The following ALK variants were observed in gnomAD, a reference collection of about 807,000 sequenced individuals.
ALK encodes the protein ALK receptor tyrosine kinase, also known as ALK tyrosine kinase receptor.
A neutral mutation model predicts 163.1 loss-of-function variants in ALK; 74 were observed. The observed-to-expected ratio is 0.45, with a 90% CI of 0.38 to 0.55. ALK has a LOEUF of 0.55. Among genes scored for constraint, ALK ranks in the 20% least tolerant of loss-of-function variants. ALK has a pLI of 0.00. For missense variants in ALK, 2,063 were observed against 2,105.3 expected (o/e 0.98, Z 0.39); for synonymous variants, 960 against 843.2 (o/e 1.14, Z -2.40).
intron 7 of ALK, among the ~76,000 whole-genome samples, chr2:29,320,194 C>T (rs1248339192): frequency 6.6e-6 from 1 of 152,246 alleles, no homozygotes; most frequent in African/African-American, 2.4e-5. Context: ...CTCTGCCAGA[C>T]ACGCAGGGTT....
intron 4 of ALK, among the ~76,000 whole-genome samples, chr2:29,415,029 C>G (rs115958966): frequency 6.6e-6 from 1 of 151,552 alleles, no homozygotes; most frequent in Non-Finnish European, 1.5e-5. Flanking sequence ...TGTGCACACA[C>G]ATGCACAGAT....
chr2:29,387,575 T>C (rs571873510), intron 4 of ALK, among the ~76,000 whole-genome samples: 4 of 152,302 alleles, frequency 2.6e-5, no homozygotes, highest in African/African-American at 9.6e-5. Context: ...GGTTTTAGTT[T>C]CCTCATTAGC....
chr2:29,583,672 G>A (rs1312520969), intron 3 of ALK, among the ~76,000 whole-genome samples: 1 of 152,108 alleles, frequency 6.6e-6, no homozygotes, highest in Non-Finnish European at 1.5e-5. Context: ...CCCTGTACCA[G>A]TGACCTCTCT....
At chr2:29,621,446 C>T (rs72862862) in intron 3 of ALK, among the ~76,000 whole-genome samples, 3,865 of 152,202 alleles carry the variant, frequency 0.025, 92 homozygotes, top group South Asian at 0.056. Context: ...TGAGTCTGAC[C>T]AGCTTTTAGG....
intron 3 of ALK, among the ~76,000 whole-genome samples, chr2:29,685,749 A>G (rs567508529): frequency 8.5e-5 from 13 of 152,186 alleles, no homozygotes; most frequent in Non-Finnish European, 1.6e-4. Context: ...GGGGCTGAAA[A>G]TGACACAACT....
intron 2 of ALK, among the ~76,000 whole-genome samples, chr2:29,705,276 T>A (rs1335421283): frequency 2.1e-5 from 1 of 48,776 alleles, no homozygotes; most frequent in Non-Finnish European, 3.5e-5. Flanking sequence ...TATATATATA[T>A]ATATAAATAT....
intron 3 of ALK, among the ~76,000 whole-genome samples, chr2:29,694,567 C>T (rs1428802144): frequency 6.6e-6 from 1 of 152,166 alleles, no homozygotes; most frequent in Non-Finnish European, 1.5e-5. Context: ...TTTCAAATAC[C>T]GATCAGCACT....
chr2:29,510,369 G>A (rs1024896169), intron 4 of ALK, among the ~76,000 whole-genome samples: 1 of 152,138 alleles, frequency 6.6e-6, no homozygotes, highest in South Asian at 2.1e-4. Flanking sequence ...ACCAATATTT[G>A]TTTAGCATCT....
intron 3 of ALK, among the ~76,000 whole-genome samples, chr2:29,653,240 G>T (rs1467494887): frequency 6.6e-6 from 1 of 152,122 alleles, no homozygotes; most frequent in Admixed American, 6.6e-5. Context: ...TGAGAGCTGA[G>T]AAACCCAATC....
chr2:29,705,240 A>AATATATAT (rs1172702963), intron 2 of ALK, among the ~76,000 whole-genome samples: 238 of 47,052 alleles, frequency 5.1e-3, no homozygotes, highest in Non-Finnish European at 7.8e-3. Flanking sequence ...AAAGAAAAGA[A>AATATATAT]ATATATATAT....
At chr2:29,443,645 A>G (rs1333433344) in intron 4 of ALK, among the ~76,000 whole-genome samples, 1 of 152,144 alleles carries the variant, frequency 6.6e-6, no homozygotes, top group Non-Finnish European at 1.5e-5. Flanking sequence ...TGAGGCCCTC[A>G]GGATGGTTGG....
At chr2:29,776,710 T>A (rs1053242312) in intron 1 of ALK, among the ~76,000 whole-genome samples, 1 of 152,216 alleles carries the variant, frequency 6.6e-6, no homozygotes, top group East Asian at 1.9e-4. Flanking sequence ...GGTGGGAAGA[T>A]TGCTTGAGCC....
At chr2:29,302,694 C>T (rs1244997285) in intron 8 of ALK, among the ~76,000 whole-genome samples, 1 of 152,166 alleles carries the variant, frequency 6.6e-6, no homozygotes, top group Non-Finnish European at 1.5e-5. Context: ...TGCAAACTGG[C>T]AGTCAGTGAA....
chr2:29,238,867 A>T (rs1030074008), intron 13 of ALK, among the ~76,000 whole-genome samples: 8 of 152,226 alleles, frequency 5.3e-5, no homozygotes, highest in African/African-American at 1.4e-4. Flanking sequence ...TTGAATTTTT[A>T]AAAAAGACGC....
chr2:29,631,683 T>G (rs1396258797), intron 3 of ALK, among the ~76,000 whole-genome samples: 1 of 152,260 alleles, frequency 6.6e-6, no homozygotes, highest in African/African-American at 2.4e-5. Flanking sequence ...TGAAAATGAA[T>G]GTGAAGGTTT....
At position 29,223,329 on chromosome 2, in the gene ALK, G is replaced by A; in HGVS notation, c.3359+13C>T. 6.2e-7 allele frequency: 1 copy of A among 1,613,882 alleles called. No individual in the cohort carries two copies. Among genetic ancestry groups the A allele is most frequent in the Non-Finnish European group, 8.5e-7 (1 of 1,179,934 alleles). On this transcript the variant is annotated intron_variant, in intron 20 of 28. Coordinates refer to ENST00000389048, the MANE Select transcript of ALK (RefSeq NM_004304.5). ...GCACCCCTCTCCTCCCAGGACGGCAGCAGGGCGCTCACCGAATGAGGGTGA... is the reference window on the plus strand; with the variant it reads ...GCACCCCTCTCCTCCCAGGACGGCAACAGGGCGCTCACCGAATGAGGGTGA...
chr2:29,503,397 C>T (rs1022799154), intron 4 of ALK, among the ~76,000 whole-genome samples: 4 of 152,122 alleles, frequency 2.6e-5, no homozygotes, highest in Non-Finnish European at 5.9e-5. Flanking sequence ...GCTCCAGGTT[C>T]TGTATTTGAT....
chr2:29,377,534 T>C (rs1290884275), intron 5 of ALK, among the ~76,000 whole-genome samples: 2 of 151,136 alleles, frequency 1.3e-5, no homozygotes, highest in African/African-American at 2.4e-5. Flanking sequence ...TCTTAAAATG[T>C]ATTTCATGAA....
chr2:29,470,327 T>C (rs189169792), intron 4 of ALK, among the ~76,000 whole-genome samples: 106 of 81,516 alleles, frequency 1.3e-3, no homozygotes, highest in African/African-American at 3.6e-3. Flanking sequence ...AGGCAATATG[T>C]GAAGAAATAC....
Sources: allele counts gnomAD v4.1 joint callset (sites outside exome capture counted in the v4.1 genomes callset), GRCh38; gene constraint gnomAD v4.1.1; transcripts MANE v1.5; gene names NCBI Gene and HGNC (gene_info 2026-07-23, HGNC 2026-07-21).